TCEANC: variants seen among roughly 807,000 people sequenced by gnomAD.
TCEANC encodes transcription elongation factor A N-terminal and central domain containing.
In TCEANC, 8 loss-of-function variants were observed where a neutral mutation model predicts 8.7. The ratio of observed to expected loss-of-function variants is 0.92; its 90% CI spans 0.54 to 1.65. TCEANC has a LOEUF of 1.65. Ranked by LOEUF, TCEANC falls within the 40% of genes most tolerant of loss-of-function variation. The pLI is 0.00. For synonymous variants in TCEANC, 78 were observed against 92.9 expected, an observed-to-expected ratio of 0.84 and a Z score of 0.92; for missense variants, 255 against 251.9, an observed-to-expected ratio of 1.01 and a Z score of -0.08.
chrX:13,656,908 A>G (rs945251232), intron 1 of TCEANC, among the ~76,000 whole-genome samples: 1 of 112,597 alleles, frequency 8.9e-6, no homozygotes, highest in Admixed American at 9.4e-5. Flanking sequence ...TCTCATCCAT[A>G]GAGACAGAAA....
At chrX:13,658,571 A>AGGATAT (rs2045941839) in intron 1 of TCEANC, among the ~76,000 whole-genome samples, 2 of 52,687 alleles carry the variant, frequency 3.8e-5, no homozygotes, top group African/African-American at 2.3e-4. Context: ...GTATACATTT[A>AGGATAT]AGATACTGAA....
At position 13,657,480 on chromosome X, in the gene TCEANC, A is replaced by T. The variant is rs180854520; in HGVS notation, c.-9+2107A>T. Among the ~76,000 whole-genome samples the T allele has an allele frequency of 4.4e-5, 5 of 112,831 alleles. No individual in the cohort carries two copies. In the East Asian group the frequency reaches 1.4e-3, roughly 31 times the overall value. ...ATTAAACAGTTATATAATCCAGCAG[A>T]TTCAAGATAAATGAAAACATATGTC... On this transcript the variant is annotated intron_variant, in intron 1 of 1. Transcript: ENST00000380600.
At chrX:13,661,071 C>T (rs1602677972) in intron 1 of TCEANC, among the ~76,000 whole-genome samples, 1 of 111,719 alleles carries the variant, frequency 9.0e-6, no homozygotes, top group East Asian at 2.8e-4. Flanking sequence ...GTCTCGATCT[C>T]CTGACCTCGT....
intron 1 of TCEANC, 134 bp downstream of exon 2, chrX:13,655,507 A>T (rs1350228961): frequency 8.9e-6 from 1 of 112,586 alleles, no homozygotes. Context: ...TTCTGACTGA[A>T]TGGGACTCAT....
At chrX:13,662,684 G>C (rs760884388) in exon 2 of TCEANC, 4 of 1,210,047 alleles carry the variant, frequency 3.3e-6, no homozygotes, top group Non-Finnish European at 4.5e-6. Flanking sequence ...CTCAAAAACT[G>C]CCCCTCTGTG....
intron 1 of TCEANC, 111 bp from the exon 5 acceptor site, chrX:13,662,390 C>T (rs2045972861): frequency 1.5e-6 from 1 of 684,775 alleles, no homozygotes; most frequent in Admixed American, 3.3e-5. Context: ...TTACATGACT[C>T]TTTCGGAAAA....
chrX:13,659,492 G>A (rs1021309899), intron 1 of TCEANC, among the ~76,000 whole-genome samples, 160 bp from the exon 3 acceptor site: 2 of 111,895 alleles, frequency 1.8e-5, no homozygotes, highest in Non-Finnish European at 3.8e-5. Flanking sequence ...AGAAGTTAAT[G>A]TATTTATGTA....
At chrX:13,663,291 G>A (rs2045985615) in exon 2 of TCEANC, 2 of 1,198,511 alleles carry the variant, frequency 1.7e-6, no homozygotes, top group African/African-American at 3.5e-5. Flanking sequence ...TCATGGAGAT[G>A]GCAAATAAGG....
At chrX:13,660,398 C>T (rs993927618) in intron 1 of TCEANC, among the ~76,000 whole-genome samples, 5 of 111,864 alleles carry the variant, frequency 4.5e-5, no homozygotes, top group Non-Finnish European at 7.5e-5. Context: ...ATGTGTGCCA[C>T]CACCTCCCAA....
At chrX:13,662,238 C>T (rs948900866) in intron 1 of TCEANC, among the ~76,000 whole-genome samples, 19 of 111,832 alleles carry the variant, frequency 1.7e-4, no homozygotes, top group Non-Finnish European at 2.3e-4. Flanking sequence ...GCAGATCCTC[C>T]GGCAAGCCTC....
At position 13,662,720 on chromosome X, in the gene TCEANC, T is replaced by G. The variant is rs754192147; in HGVS notation, c.212T>G (p.Leu71Trp). The stretch of plus-strand genomic sequence containing the variant: ...GCTTTGAAAAAGAAAGCCAAGTGTT[T>G]GCTATCAAAGTGGAAAGCTGTTTAT... Residue 71 changes from leucine to tryptophan, a missense_variant, in exon 2 of 2, where the codon TTG becomes TGG. By Grantham distance (61) the Leu-to-Trp change is moderately conservative. Transcript: ENST00000380600. 5.8e-6 allele frequency: 7 copies of G among 1,211,756 alleles called. No individual in the cohort carries two copies. In the East Asian group the frequency reaches 2.1e-4, roughly 36 times the overall value.
chrX:13,661,929 G>A (rs2045969408), intron 1 of TCEANC, among the ~76,000 whole-genome samples: 1 of 112,196 alleles, frequency 8.9e-6, no homozygotes, highest in African/African-American at 3.2e-5. Context: ...ATCTCTAGCT[G>A]CTTTTCAACC....
chrX:13,658,303 G>A (rs766975091), intron 1 of TCEANC, among the ~76,000 whole-genome samples: 1 of 111,894 alleles, frequency 8.9e-6, no homozygotes, highest in Non-Finnish European at 1.9e-5. Flanking sequence ...ATACACTTTA[G>A]GGGAATTGTA....
intron 1 of TCEANC, among the ~76,000 whole-genome samples, chrX:13,660,206 C>T (rs900887737): frequency 2.7e-5 from 3 of 112,022 alleles, no homozygotes; most frequent in Non-Finnish European, 5.6e-5. Flanking sequence ...TTTTGTGTAT[C>T]TCTTTTCAGT....
intron 1 of TCEANC, among the ~76,000 whole-genome samples, 166 bp from the exon 4 acceptor site, chrX:13,660,865 G>T (rs139720359): frequency 0.018 from 1,971 of 110,912 alleles, 42 homozygotes; most frequent in African/African-American, 0.061. Flanking sequence ...TTTTTTTTTA[G>T]ACAGAGTCTT....
chrX:13,663,061 T>G lies in TCEANC; in HGVS notation c.553T>G (p.Leu185Val), dbSNP rs2045982159. 2 of 1,211,666 alleles carry G rather than the reference T, an allele frequency of 1.7e-6. No individual in the cohort carries two copies. The highest frequency in any genetic ancestry group is 2.2e-6 in the Non-Finnish European group (2 of 895,291). Reference sequence around the variant, plus strand: ...ATGCATAGAGCTTCTTTACGCAGCTTTAACTAGTTCTTCCACAGATCAACC... The same window carrying G: ...ATGCATAGAGCTTCTTTACGCAGCTGTAACTAGTTCTTCCACAGATCAACC... The change falls in exon 2 of 2, where the codon TTA (leucine) becomes GTA (valine). Residue 185 changes from leucine (L) to valine (V), a missense_variant. By Grantham distance (32) the Leu-to-Val change is conservative (BLOSUM62 1). Coordinates refer to ENST00000380600, the Ensembl canonical transcript of TCEANC.
At chrX:13,664,449 A>G (rs751258152) in exon 2 of TCEANC, 5 of 123,348 alleles carry the variant, frequency 4.1e-5, no homozygotes, top group Non-Finnish European at 9.4e-5. Flanking sequence ...CAACCACAAA[A>G]GTCACCCTGG....
At position 13,659,720 on chromosome X, in the gene TCEANC, G is replaced by A. The variant is rs748473667; in HGVS notation, c.-8-2781G>A. 40 of 111,562 alleles carry A rather than the reference G, an allele frequency of 3.6e-4. No homozygotes were observed. Among genetic ancestry groups the A allele is most frequent in the Non-Finnish European group, 6.8e-4 (37 of 54,174 alleles). 9.2% of individuals were successfully genotyped at this position (111,562 alleles called of 1,213,427 possible). On this transcript the variant is annotated intron_variant, in intron 1 of 1. Transcript: ENST00000380600. ...GGCTCACCGCAAACTCTGCCTCCCGGGTTCAAGCAATTCTCCTGCCTCGGC... is the reference window on the plus strand; with the variant it reads ...GGCTCACCGCAAACTCTGCCTCCCGAGTTCAAGCAATTCTCCTGCCTCGGC...
In TCEANC at chrX:13,661,795, A is replaced by G. The variant is rs765436351; in HGVS notation, c.-8-706A>G. Among the ~76,000 whole-genome samples, 6 of 112,130 alleles carry G rather than the reference A, an allele frequency of 5.4e-5. No individual in the cohort carries two copies. In the South Asian group the frequency reaches 1.5e-3, roughly 27 times the overall value. On this transcript the variant is annotated intron_variant, in intron 1 of 1. Transcript: ENST00000380600. ...TTTTTTAAAAATTAACAAAACCAAA[A>G]TGTAAGAACCAGTTAGTCTAAAGTC...
Sources: gnomAD v4.1 joint callset for allele counts (sites outside exome capture counted in the v4.1 genomes callset) on GRCh38, gnomAD v4.1.1 for gene constraint, MANE v1.5 for transcripts, NCBI Gene and HGNC (gene_info 2026-07-23, HGNC 2026-07-21) for gene names.